Variants in PCDHGB7 observed in about 807,000 individuals in gnomAD.
The protein encoded by PCDHGB7 is protocadherin gamma subfamily B, 7, also known as protocadherin gamma-B7.
PCDHGB7 carries 37 observed loss-of-function variants against 61.4 expected under a neutral mutation model. The ratio of observed to expected loss-of-function variants is 0.60; its 90% CI spans 0.46 to 0.79. The LOEUF (loss-of-function observed/expected upper bound fraction) is 0.79, where lower values mean the gene tolerates loss of function less well. PCDHGB7 is among the 30% of genes least tolerant of loss of function. PCDHGB7 has a pLI of 0.00. For missense variants in PCDHGB7, 1,166 were observed against 1,202.5 expected, an observed-to-expected ratio of 0.97 and a Z score of 0.45; for synonymous variants, 464 against 503.5, an observed-to-expected ratio of 0.92 and a Z score of 1.05.
intron 2 of PCDHGB7, among the ~76,000 whole-genome samples, chr5:141,502,905 A>T (rs1364939091): frequency 1.5e-5 from 2 of 131,814 alleles, no homozygotes; most frequent in Non-Finnish European, 3.0e-5. Flanking sequence ...CTCTGTTGCC[A>T]GGCTGGAGTG....
At chr5:141,433,404 TATTA>T (rs142533293) in intron 1 of PCDHGB7, among the ~76,000 whole-genome samples, 252 of 146,310 alleles carry the variant, frequency 1.7e-3, no homozygotes, top group African/African-American at 6.2e-3. Context: ...TCTATCTATC[TATTA>T]CTTTCTTGTA....
At chr5:141,474,881 C>A (rs2099356099) in intron 1 of PCDHGB7, among the ~76,000 whole-genome samples, 1 of 152,244 alleles carries the variant, frequency 6.6e-6, no homozygotes, top group South Asian at 2.1e-4. Context: ...AGCAGGAACT[C>A]TTAGAGGTTC....
chr5:141,466,518 T>C (rs1430823209), intron 1 of PCDHGB7, among the ~76,000 whole-genome samples: 2 of 152,222 alleles, frequency 1.3e-5, no homozygotes, highest in Admixed American at 6.5e-5. Flanking sequence ...TCATTTTTTT[T>C]CCTCCCAAAT....
chr5:141,472,980 C>CAAAAAAAAAAAAAAAAAAAGAAAAAAAAA (rs60579131), intron 1 of PCDHGB7, among the ~76,000 whole-genome samples: 1 of 86,106 alleles, frequency 1.2e-5, no homozygotes, highest in Admixed American at 1.2e-4. Context: ...GAGTGAAACT[C>CAAAAAAAAAAAAAAAAAAAGAAAAAAAAA]AAAAAAAAAA....
chr5:141,462,240 A>G (rs375419703), intron 1 of PCDHGB7, among the ~76,000 whole-genome samples: 2 of 152,216 alleles, frequency 1.3e-5, no homozygotes, highest in South Asian at 4.1e-4. Context: ...GATTACAGGT[A>G]TGAGCCACCA....
chr5:141,450,179 A>G (rs1472867634), intron 1 of PCDHGB7, among the ~76,000 whole-genome samples: 1 of 151,100 alleles, frequency 6.6e-6, no homozygotes, highest in African/African-American at 2.4e-5. Flanking sequence ...CACCACACCC[A>G]GCTAATTTTT....
chr5:141,474,608 T>C (rs1469173973), intron 1 of PCDHGB7, among the ~76,000 whole-genome samples: 1 of 152,268 alleles, frequency 6.6e-6, no homozygotes, highest in Non-Finnish European at 1.5e-5. Flanking sequence ...AGGTCACATA[T>C]GGCTTTTCAT....
chr5:141,421,991 A>T, intron 1 of PCDHGB7: 1 of 1,608,656 alleles, frequency 6.2e-7, no homozygotes, highest in Non-Finnish European at 8.5e-7. Context: ...GTTCCAGAAA[A>T]CATCAGCTCC....
At chr5:141,433,031 T>G (rs2097561851) in intron 1 of PCDHGB7, 2 of 1,614,088 alleles carry the variant, frequency 1.2e-6, no homozygotes, top group Non-Finnish European at 8.5e-7. Flanking sequence ...CCACGAGGTT[T>G]CCCTCACCAC....
chr5:141,509,255 T>A (rs1434555633), intron 3 of PCDHGB7, among the ~76,000 whole-genome samples: 1 of 152,158 alleles, frequency 6.6e-6, no homozygotes, highest in African/African-American at 2.4e-5. Flanking sequence ...CCTCTCCGGC[T>A]TTAGTCACTC....
chr5:141,486,884 C>G lies in PCDHGB7; in HGVS notation c.2416-7923C>G, dbSNP rs1272694679. On this transcript the variant is annotated intron_variant, in intron 1 of 3. Transcript: ENST00000398594. The surrounding 1 kb of genome is among the most constrained non-coding windows in gnomAD (Gnocchi z 5.0). ...TCCAGCTGTGCTCCGTCCTCGGGCC[C>G]GGCCTGGTTCCTTATGTCCCCAAGC... The G allele has an allele frequency of 6.2e-7, 1 of 1,614,224 alleles. No homozygotes were observed. The highest frequency in any genetic ancestry group is 8.5e-7 in the Non-Finnish European group (1 of 1,180,046).
At chr5:141,484,501 A>G (rs1185523120) in intron 1 of PCDHGB7, among the ~76,000 whole-genome samples, 2 of 152,232 alleles carry the variant, frequency 1.3e-5, no homozygotes, top group African/African-American at 4.8e-5. Flanking sequence ...GTTTCTGAAT[A>G]TTCTGCAGAA....
At chr5:141,467,373 T>C (rs2099143070) in intron 1 of PCDHGB7, among the ~76,000 whole-genome samples, 1 of 152,064 alleles carries the variant, frequency 6.6e-6, no homozygotes, top group Non-Finnish European at 1.5e-5. Context: ...TTTCTTATAT[T>C]GCATTTAGGT....
chr5:141,436,600 G>C (rs1054182433), intron 1 of PCDHGB7, among the ~76,000 whole-genome samples: 2 of 152,154 alleles, frequency 1.3e-5, no homozygotes, highest in African/African-American at 2.4e-5. Context: ...CGTGGTGATG[G>C]CTAGGGCTAA....
At chr5:141,467,649 T>C (rs2099147987) in intron 1 of PCDHGB7, among the ~76,000 whole-genome samples, 1 of 152,146 alleles carries the variant, frequency 6.6e-6, no homozygotes, top group Non-Finnish European at 1.5e-5. Flanking sequence ...TGTACCAAAC[T>C]TCTATAGTGC....
rs922668811 is a variant in PCDHGB7 at position 141,432,984 on chromosome 5, G to A, written c.2415+12710G>A. On this transcript the variant is annotated intron_variant, in intron 1 of 3. Transcript: ENST00000398594. This position sits in a 1 kb window ranked among gnomAD's most constrained non-coding sequence, Gnocchi z 6.0. ...GGAGCGCCGGCGTCGCACTTTGTGG[G>A]CGTGGACGGGGTGCAGGCTTTCCTG... 1.9e-6 allele frequency: 3 copies of A among 1,614,214 alleles called. No individual in the cohort carries two copies. Among genetic ancestry groups the A allele is most frequent in the Admixed American group, 1.7e-5 (1 of 60,028 alleles).
In PCDHGB7 at chr5:141,511,599, C is replaced by G; in HGVS notation, c.*426C>G. 4.0e-6 allele frequency: 1 copy of G among 252,540 alleles called. No homozygotes were observed. Among genetic ancestry groups the G allele is most frequent in the South Asian group, 5.2e-5 (1 of 19,398 alleles). 15.6% of individuals were successfully genotyped at this position (252,540 alleles called of 1,614,324 possible). ...GTTGGGGTGTTGAAGTACCAAGTAA[C>G]CTACAAGCCTCCTAGTTCTGAAAAG... On this transcript the variant is annotated 3_prime_UTR_variant, in exon 4 of 4. Coordinates refer to ENST00000398594, the MANE Select transcript of PCDHGB7 (RefSeq NM_018927.4).
chr5:141,498,104 C>T (rs530844708), intron 2 of PCDHGB7, among the ~76,000 whole-genome samples: 2 of 152,106 alleles, frequency 1.3e-5, no homozygotes, highest in African/African-American at 4.8e-5. Context: ...GTGGTGTGGG[C>T]GTATAATAGG....
chr5:141,483,588 A>G (rs2099583207), intron 1 of PCDHGB7, among the ~76,000 whole-genome samples: 1 of 152,112 alleles, frequency 6.6e-6, no homozygotes, highest in African/African-American at 2.4e-5. Flanking sequence ...AACACCTAAT[A>G]GGTCAGGCTG....
Sources: allele counts gnomAD v4.1 joint callset (sites outside exome capture counted in the v4.1 genomes callset), GRCh38; gene constraint gnomAD v4.1.1; non-coding constraint Gnocchi (gnomAD v3.1); transcripts MANE v1.5; gene names NCBI Gene and HGNC (gene_info 2026-07-23, HGNC 2026-07-21).